Variants in SLC46A1 observed in about 807,000 individuals in gnomAD.
SLC46A1 encodes proton-coupled folate transporter.
Under a neutral mutation model 32.1 loss-of-function variants are expected in SLC46A1, and 17 were observed. The ratio of observed to expected loss-of-function variants is 0.53; its 90% CI spans 0.36 to 0.79. SLC46A1 has a LOEUF of 0.79. Ranked by LOEUF, SLC46A1 falls within the 30% of genes least tolerant of loss-of-function variation. The pLI is 0.00. For missense variants in SLC46A1, 517 were observed against 588.2 expected (o/e 0.88, Z 1.25); for synonymous variants, 240 against 262.7 (o/e 0.91, Z 0.84).
intron 4 of SLC46A1, 96 bp from the exon 5 acceptor site, chr17:28,399,809 C>G (rs963327687): frequency 7.7e-7 from 1 of 1,306,004 alleles, no homozygotes; most frequent in Non-Finnish European, 1.1e-6. Flanking sequence ...TGGGCTGGTC[C>G]AGGTAGCTCT....
In SLC46A1 at chr17:28,395,896, T is replaced by C; in HGVS notation, c.*3760A>G. The C allele has an allele frequency of 6.2e-7, 1 of 1,613,592 alleles. No homozygotes were observed. The highest frequency in any genetic ancestry group is 8.5e-7 in the Non-Finnish European group (1 of 1,179,868). ...AGGGGTATCTTCCTCCTTTCCTTTC[T>C]TTCTCCAGGAGATTGTGACTGCTTT... On this transcript the variant is annotated 3_prime_UTR_variant, in exon 5 of 5. Coordinates refer to ENST00000612814, the MANE Select transcript of SLC46A1 (RefSeq NM_080669.6).
chr17:28,396,486 G>A lies in SLC46A1; in HGVS notation c.*3170C>T. On this transcript the variant is annotated 3_prime_UTR_variant, in exon 5 of 5. Transcript: ENST00000612814. Reference sequence around the variant, plus strand: ...TATCTGGAGAGGGAAGGGAAGTCAGGCTTGGGCACGGGAGGTTAGAACTCC... The same window carrying A: ...TATCTGGAGAGGGAAGGGAAGTCAGACTTGGGCACGGGAGGTTAGAACTCC... 2 of 639,552 alleles carry A rather than the reference G, an allele frequency of 3.1e-6. No homozygotes were observed. Among genetic ancestry groups the A allele is most frequent in the Non-Finnish European group, 2.7e-6 (1 of 376,606 alleles). 39.6% of individuals were successfully genotyped at this position (639,552 alleles called of 1,614,324 possible). A position where few individuals can be genotyped will look rare whatever the true frequency, so the allele number is the denominator to read the frequency against.
At position 28,404,763 on chromosome 17, in the gene SLC46A1, G is replaced by A; in HGVS notation, c.934C>T (p.His312Tyr). The change falls in exon 2 of 5, where the codon CAT becomes TAT. Residue 312 changes from histidine to tyrosine, a missense_variant. Physicochemically the swap from His to Tyr is moderately conservative, Grantham distance 83. Coordinates refer to ENST00000612814, the MANE Select transcript of SLC46A1 (RefSeq NM_080669.6). ...KLIGYGSAAQ[H>Y]LPYLTSLLAL... ...AGCAGGCTGGTGAGGTAGGGGAGAT[G>A]CTGAGCTGCAGAACCATAGCCGATT... The A allele has an allele frequency of 3.7e-6, 6 of 1,614,058 alleles. No homozygotes were observed. The highest frequency in any genetic ancestry group is 4.2e-6 in the Non-Finnish European group (5 of 1,179,890).
Position 28,404,782 on chromosome 17 carries a change from GC to G in SLC46A1, c.914del (p.Gly305AlafsTer18). The G allele has an allele frequency of 1.9e-6, 3 of 1,614,022 alleles. No homozygotes were observed. Among genetic ancestry groups the G allele is most frequent in the Non-Finnish European group, 2.5e-6 (3 of 1,179,892 alleles). On this transcript the variant is annotated frameshift_variant, in exon 2 of 5. Transcript: ENST00000612814. LOFTEE classifies it high-confidence loss of function. ...TPLCWDSKLI[G>X]YGSAAQHLPY... is the part of the protein sequence containing the mutation. Reference sequence around the variant, plus strand: ...GGAGATGCTGAGCTGCAGAACCATAGCCGATTAGTTTGGAGTCCCAGCAGAG... The same window carrying G: ...GGAGATGCTGAGCTGCAGAACCATAGCGATTAGTTTGGAGTCCCAGCAGAG...
rs41297069 is a variant in SLC46A1, at chr17:28,405,957, G to C, written c.158C>G (p.Ala53Gly). 1.2e-6 allele frequency: 2 copies of C among 1,611,418 alleles called. No individual in the cohort carries two copies. Among genetic ancestry groups the C allele is most frequent in the Non-Finnish European group, 1.7e-6 (2 of 1,179,276 alleles). ...TTQYLWHRFS[A>G]DLGYNGTRQR... ...GCGGGTGCCATTGTAGCCGAGGTCG[G>C]CGCTGAAGCGGTGCCACAGATACTG... Residue 53 changes from alanine (A) to glycine (G), a missense_variant, in exon 1 of 5, where the codon GCC (alanine) becomes GGC (glycine). Ala to Gly is a moderately conservative substitution (Grantham distance 60). Coordinates refer to ENST00000612814, the MANE Select transcript of SLC46A1 (RefSeq NM_080669.6).
rs1555590860 is a variant in SLC46A1 at position 28,405,264 on chromosome 17, C to T, written c.433G>A (p.Val145Met). The T allele has an allele frequency of 3.8e-6, 6 of 1,585,068 alleles. No homozygotes were observed. The highest frequency in any genetic ancestry group is 2.3e-5 in the East Asian group (1 of 43,048). The change falls in exon 2 of 5, where the codon GTG becomes ATG. Residue 145 changes from valine (V) to methionine (M), a missense_variant. Coordinates refer to ENST00000612814, the MANE Select transcript of SLC46A1 (RefSeq NM_080669.6). The part of the protein sequence containing the change: ...VQLQLHVGYF[V>M]LGRILCALLG... The stretch of plus-strand genomic sequence containing the variant: ...AGGGCACAAAGGATGCGACCCAGCA[C>T]GAAGTAGCCGACGTGGAGCTGCAGC...
chr17:28,402,058 G>T (rs1393544170), intron 3 of SLC46A1, 180 bp downstream of exon 3: 6 of 547,608 alleles, frequency 1.1e-5, no homozygotes, highest in Admixed American at 3.1e-5. Context: ...GAAAATCCAA[G>T]GTGGCATGAT....
chr17:28,399,670 G>A lies in SLC46A1; in HGVS notation c.1366C>T (p.Pro456Ser), dbSNP rs186143284. 3.2e-3 allele frequency: 5,163 copies of A among 1,613,990 alleles called. 15 individuals carry two copies. Among genetic ancestry groups the A allele is most frequent in the Non-Finnish European group, 3.7e-3 (4,403 of 1,179,888 alleles). Residue 456 changes from proline (P) to serine (S), a missense_variant, in exon 5 of 5, where the codon CCC (proline) becomes TCC (serine). Coordinates refer to ENST00000612814, the MANE Select transcript of SLC46A1 (RefSeq NM_080669.6). The stretch of plus-strand genomic sequence containing the variant: ...GTCCAGGCAGATCAGGGGCTCTGGG[G>A]AAACTGCTGGAACTCGAGGTGAGGA... ...ADPHLEFQQFPQSP is the reference protein window; with the variant it reads ...ADPHLEFQQFSQSP
Position 28,400,083 on chromosome 17 carries a change from CA to C in SLC46A1, c.1323-371del, listed in dbSNP as rs879965376. ...TGATTTTTTAAATTTTTTATACAGACAAGGTCTTGCTATGTTGCCCAGGCTG... is the reference window on the plus strand; with the variant it reads ...TGATTTTTTAAATTTTTTATACAGACAGGTCTTGCTATGTTGCCCAGGCTG... On this transcript the variant is annotated intron_variant, in intron 4 of 4. Transcript: ENST00000612814. 1.9e-4 allele frequency: 52 copies of C among 275,690 alleles called. No homozygotes were observed. The Admixed American group carries it at 2.2e-3, about 12-fold the overall frequency. 17.1% of individuals were successfully genotyped at this position (275,690 alleles called of 1,614,324 possible). A position where few individuals can be genotyped will look rare whatever the true frequency, so the allele number is the denominator to read the frequency against.
chr17:28,401,026 G>A, intron 3 of SLC46A1: 1 of 373,872 alleles, frequency 2.7e-6, no homozygotes, highest in Non-Finnish European at 4.6e-6. Flanking sequence ...ACAGAACCCA[G>A]CACATAAAAG....
At position 28,396,282 on chromosome 17, in the gene SLC46A1, C is replaced by A. The variant is rs567632194; in HGVS notation, c.*3374G>T. The stretch of plus-strand genomic sequence containing the variant: ...GAGGGTGCTGCACCCATGGGTCCAA[C>A]CTAACCAGTCCCCAGTTCCCCAGCC... On this transcript the variant is annotated 3_prime_UTR_variant, in exon 5 of 5. Transcript: ENST00000612814. The A allele has an allele frequency of 6.2e-7, 1 of 1,613,938 alleles. No homozygotes were observed. Among genetic ancestry groups the A allele is most frequent in the Admixed American group, 1.7e-5 (1 of 60,022 alleles).
At chr17:28,402,383 G>A in intron 2 of SLC46A1, 62 bp from the exon 3 acceptor site, 1 of 1,430,586 alleles carries the variant, frequency 7.0e-7, no homozygotes, top group South Asian at 1.2e-5. Context: ...CCAAGGGAAA[G>A]GCAGCAGAGC....
rs1443360688 is a variant in SLC46A1 at position 28,398,394 on chromosome 17, C to T, written c.*1262G>A. On this transcript the variant is annotated 3_prime_UTR_variant, in exon 5 of 5. Coordinates refer to ENST00000612814, the MANE Select transcript of SLC46A1 (RefSeq NM_080669.6). Reference sequence around the variant, plus strand: ...TGGAACAGCTGAAGTCACAAGCCTCCTCTAAGCCAAGGCCAGTGTGTTCAG... The same window carrying T: ...TGGAACAGCTGAAGTCACAAGCCTCTTCTAAGCCAAGGCCAGTGTGTTCAG... 6.6e-6 allele frequency: 1 copy of T among 152,364 alleles called. No individual in the cohort carries two copies. 9.4% of individuals were successfully genotyped at this position (152,364 alleles called of 1,614,324 possible). A position where few individuals can be genotyped will look rare whatever the true frequency, so the allele number is the denominator to read the frequency against.
At chr17:28,400,407 T>G (rs1172189711) in intron 4 of SLC46A1, 1 of 604,114 alleles carries the variant, frequency 1.7e-6, no homozygotes, top group African/African-American at 1.9e-5. Context: ...TGATCCTTCC[T>G]CCACCTAGCT....
chr17:28,401,079 G>A, intron 3 of SLC46A1: 1 of 379,340 alleles, frequency 2.6e-6, no homozygotes, highest in South Asian at 2.3e-5. Flanking sequence ...AAGCTTGATG[G>A]AAATGGCTTT....
rs1429017419 is a variant in SLC46A1 at position 28,397,633 on chromosome 17, G to A, written c.*2023C>T. ...TTTCCTGAGAATCATTCTGAGGCTG[G>A]GCTATTGCTTCTCCCTTGCTTCAAA... On this transcript the variant is annotated 3_prime_UTR_variant, in exon 5 of 5. Transcript: ENST00000612814. 2.0e-5 allele frequency: 3 copies of A among 152,208 alleles called. No homozygotes were observed. Among genetic ancestry groups the A allele is most frequent in the Admixed American group, 1.3e-4 (2 of 15,276 alleles). 9.4% of individuals were successfully genotyped at this position (152,208 alleles called of 1,614,324 possible).
At chr17:28,399,880 A>G in intron 4 of SLC46A1, 167 bp from the exon 5 acceptor site, 1 of 673,984 alleles carries the variant, frequency 1.5e-6, no homozygotes, top group Non-Finnish European at 2.6e-6. Flanking sequence ...ATCCAGGGAC[A>G]TGGCTCTGGA....
At chr17:28,400,476 G>T in intron 4 of SLC46A1, 134 bp downstream of exon 4, 1 of 1,242,834 alleles carries the variant, frequency 8.0e-7, no homozygotes, top group Non-Finnish European at 1.1e-6. Flanking sequence ...TGCAAGGAGA[G>T]GGGCAACCTG....
chr17:28,396,019 G>A lies in SLC46A1; in HGVS notation c.*3637C>T, dbSNP rs781794589. The A allele has an allele frequency of 1.2e-5, 20 of 1,613,746 alleles. No homozygotes were observed. The highest frequency in any genetic ancestry group is 6.7e-5 in the East Asian group (3 of 44,870). On this transcript the variant is annotated 3_prime_UTR_variant, in exon 5 of 5. Transcript: ENST00000612814. ...CATGCAGGCTGTGCTTACTTTCAAC[G>A]GTATCAAGTGAGCCCCAGGGCCCTG...
Sources: gnomAD v4.1 joint callset for allele counts on GRCh38, gnomAD v4.1.1 for gene constraint, MANE v1.5 for transcripts, NCBI Gene and HGNC (gene_info 2026-07-23, HGNC 2026-07-21) for gene names.